NR6A1: variants seen among roughly 807,000 people sequenced by gnomAD.
NR6A1 encodes the protein retinoic acid receptor-related testis-associated receptor.
A neutral mutation model predicts 59.1 loss-of-function variants in NR6A1; 7 were observed. The observed-to-expected ratio is 0.12, with a 90% CI of 0.07 to 0.22. The LOEUF (loss-of-function observed/expected upper bound fraction) is 0.22, where lower values mean the gene tolerates loss of function less well. NR6A1 is among the 10% of genes least tolerant of loss of function. The pLI is 1.00. For synonymous variants in NR6A1, 243 were observed against 236.1 expected (o/e 1.03, Z -0.27); for missense variants, 468 against 611.6 (o/e 0.77, Z 2.48).
chr9:124,629,452 T>G (rs1836357687), intron 2 of NR6A1, among the ~76,000 whole-genome samples: 1 of 152,222 alleles, frequency 6.6e-6, no homozygotes, highest in Non-Finnish European at 1.5e-5. Flanking sequence ...CCACTTATAA[T>G]CATGACTTTA....
intron 2 of NR6A1, among the ~76,000 whole-genome samples, chr9:124,628,832 T>C (rs555368774): frequency 6.6e-6 from 1 of 152,206 alleles, no homozygotes; most frequent in East Asian, 1.9e-4. Flanking sequence ...TCTTTGTTTT[T>C]GGATTTTAGT....
At position 124,526,968 on chromosome 9, in the gene NR6A1, A is replaced by T. The variant is rs1588637221; in HGVS notation, c.1080-68T>A. ...GTAGGGGCCAGGAAAGGGCAGCCAG[A>T]GAGCTCCTACAGCTCCTTAAACAGG... On this transcript the variant is annotated intron_variant, in intron 7 of 9. Coordinates refer to ENST00000487099, the MANE Select transcript of NR6A1 (RefSeq NM_033334.4). The T allele has an allele frequency of 1.9e-6, 3 of 1,591,010 alleles. No homozygotes were observed. The East Asian group carries it at 6.8e-5, about 36-fold the overall frequency.
At chr9:124,734,014 G>A (rs1564259319) in intron 1 of NR6A1, among the ~76,000 whole-genome samples, 2 of 152,298 alleles carry the variant, frequency 1.3e-5, no homozygotes, top group South Asian at 4.1e-4. Flanking sequence ...CAAGCACAAG[G>A]AATGGCAAAC....
chr9:124,613,479 T>G (rs1835810487), intron 2 of NR6A1, among the ~76,000 whole-genome samples: 1 of 151,874 alleles, frequency 6.6e-6, no homozygotes, highest in Non-Finnish European at 1.5e-5. Context: ...AGACCGTCTC[T>G]AAAAAAATAA....
At chr9:124,654,629 CAGAG>C (rs1454807957) in intron 2 of NR6A1, among the ~76,000 whole-genome samples, 1 of 152,106 alleles carries the variant, frequency 6.6e-6, no homozygotes, top group Middle Eastern at 3.2e-3. Flanking sequence ...TTTGGTTCCT[CAGAG>C]AGGCATAGCC....
intron 1 of NR6A1, among the ~76,000 whole-genome samples, chr9:124,770,706 G>A (rs1408109454): frequency 8.1e-6 from 1 of 123,554 alleles, no homozygotes; most frequent in Non-Finnish European, 1.8e-5. Flanking sequence ...GGTGCTGAGG[G>A]GACGGGGGGA....
chr9:124,671,378 A>G (rs1440926946), intron 2 of NR6A1, among the ~76,000 whole-genome samples: 1 of 152,200 alleles, frequency 6.6e-6, no homozygotes, highest in Admixed American at 6.5e-5. Flanking sequence ...AAAATGAGTT[A>G]TCACCAAATG....
At chr9:124,585,561 G>GC (rs1445190803) in intron 2 of NR6A1, among the ~76,000 whole-genome samples, 4 of 128,400 alleles carry the variant, frequency 3.1e-5, no homozygotes, top group Non-Finnish European at 6.4e-5. Context: ...AAAAAAAAGG[G>GC]GGGGGGGGGC....
chr9:124,633,265 T>C (rs1467110045), intron 2 of NR6A1, among the ~76,000 whole-genome samples: 2 of 151,586 alleles, frequency 1.3e-5, no homozygotes, highest in African/African-American at 2.4e-5. Flanking sequence ...TAGCCGGGCA[T>C]GGTGGCGCGC....
intron 2 of NR6A1, among the ~76,000 whole-genome samples, chr9:124,568,792 G>A (rs1834350784): frequency 6.6e-6 from 1 of 151,802 alleles, no homozygotes; most frequent in Non-Finnish European, 1.5e-5. Flanking sequence ...TGGGGGAAGA[G>A]AAGGATGGTT....
At chr9:124,747,679 G>A (rs1222071266) in intron 1 of NR6A1, among the ~76,000 whole-genome samples, 1 of 151,972 alleles carries the variant, frequency 6.6e-6, no homozygotes, top group African/African-American at 2.4e-5. Context: ...TCAGGTTCCA[G>A]GTACCACCAA....
At chr9:124,635,134 C>T (rs1836564426) in intron 2 of NR6A1, among the ~76,000 whole-genome samples, 1 of 152,112 alleles carries the variant, frequency 6.6e-6, no homozygotes, top group South Asian at 2.1e-4. Flanking sequence ...GCTTTACTGT[C>T]CTAAAAATCC....
chr9:124,746,553 A>C (rs1281334058), intron 1 of NR6A1, among the ~76,000 whole-genome samples: 1 of 152,124 alleles, frequency 6.6e-6, no homozygotes, highest in Admixed American at 6.6e-5. Context: ...TGCCTACTGC[A>C]CTCCAGCCTG....
chr9:124,740,733 T>C (rs1840151904), intron 1 of NR6A1, among the ~76,000 whole-genome samples: 1 of 152,200 alleles, frequency 6.6e-6, no homozygotes, highest in East Asian at 1.9e-4. Context: ...CATTCACTGG[T>C]CTTTCCTAGA....
intron 2 of NR6A1, among the ~76,000 whole-genome samples, chr9:124,596,298 G>C (rs2130810839): frequency 6.6e-6 from 1 of 151,826 alleles, no homozygotes. Context: ...AGGTATGTAG[G>C]GTTTTTCTGG....
chr9:124,571,503 CTA>C (rs1265199627), intron 2 of NR6A1, among the ~76,000 whole-genome samples: 1 of 152,186 alleles, frequency 6.6e-6, no homozygotes, highest in Non-Finnish European at 1.5e-5. Flanking sequence ...GTTTACACTG[CTA>C]GACAAGTTGA....
chr9:124,649,844 T>C (rs767783797), intron 2 of NR6A1, among the ~76,000 whole-genome samples: 37 of 152,112 alleles, frequency 2.4e-4, no homozygotes, highest in Non-Finnish European at 5.0e-4. Context: ...GATATATTTT[T>C]AAAAATACTC....
At chr9:124,687,584 C>T (rs1263952749) in intron 2 of NR6A1, among the ~76,000 whole-genome samples, 2 of 152,156 alleles carry the variant, frequency 1.3e-5, no homozygotes, top group African/African-American at 4.8e-5. Flanking sequence ...ACCATTATCC[C>T]ATATACAACT....
In NR6A1 at chr9:124,517,527, A is replaced by G. The variant is rs1203956280; in HGVS notation, c.*5178T>C. ...GCCCTTGGCCGGCCCTTTGGAGACA[A>G]GGGCTCAGGGACATCCCGTTTCCTC... On this transcript the variant is annotated 3_prime_UTR_variant, in exon 10 of 10. Transcript: ENST00000487099. 2 of 152,190 alleles carry G rather than the reference A, an allele frequency of 1.3e-5. No homozygotes were observed. The highest frequency in any genetic ancestry group is 4.8e-5 in the African/African-American group (2 of 41,414). 9.4% of individuals were successfully genotyped at this position (152,190 alleles called of 1,614,324 possible). A position where few individuals can be genotyped will look rare whatever the true frequency, so the allele number is the denominator to read the frequency against.
Sources: allele counts gnomAD v4.1 joint callset (sites outside exome capture counted in the v4.1 genomes callset), GRCh38; gene constraint gnomAD v4.1.1; transcripts MANE v1.5; gene names NCBI Gene and HGNC (gene_info 2026-07-23, HGNC 2026-07-21).